Variants in DENND2C observed in about 807,000 individuals in gnomAD.
DENND2C encodes the protein DENN domain-containing protein 2C.
DENND2C carries 72 observed loss-of-function variants against 112.4 expected under a neutral mutation model. The ratio of observed to expected loss-of-function variants is 0.64; its 90% CI spans 0.53 to 0.78. The LOEUF (loss-of-function observed/expected upper bound fraction) is 0.78. Among genes scored for constraint, DENND2C ranks in the 30% least tolerant of loss-of-function variants. DENND2C has a pLI of 0.00. For missense variants in DENND2C, 992 were observed against 1,113.8 expected (o/e 0.89, Z 1.56); for synonymous variants, 329 against 381.6 (o/e 0.86, Z 1.61).
rs1657255861 is a variant in DENND2C, at chr1:114,654,591, T to C, written c.-403A>G. ...AAAACAGCAAGAACAGTGATTACAC[T>C]TCATTAAATATTTTGTTAAATACTA... On this transcript the variant is annotated 5_prime_UTR_variant, in exon 2 of 21. Coordinates refer to ENST00000393274, the MANE Select transcript of DENND2C (RefSeq NM_001256404.2). 6.6e-6 allele frequency: 1 copy of C among 152,146 alleles called. No homozygotes were observed. Among genetic ancestry groups the C allele is most frequent in the Non-Finnish European group, 1.5e-5 (1 of 68,020 alleles). 9.4% of individuals were successfully genotyped at this position (152,146 alleles called of 1,614,324 possible).
intron 2 of DENND2C, among the ~76,000 whole-genome samples, chr1:114,652,661 CTTTTTTTTTTTTT>C (rs55647145): frequency 3.6e-5 from 4 of 109,852 alleles, no homozygotes; most frequent in East Asian, 3.1e-4. Context: ...CTTACATTTA[CTTTTTTTTTTTTT>C]TTTTTTTTTT....
In DENND2C at chr1:114,630,956, A is replaced by T. The variant is rs533351706; in HGVS notation, c.-204-4768T>A. Among the ~76,000 whole-genome samples the T allele has an allele frequency of 5.9e-5, 9 of 152,350 alleles. No homozygotes were observed. In the South Asian group the frequency reaches 1.7e-3, roughly 28 times the overall value. On this transcript the variant is annotated intron_variant, in intron 3 of 20. Coordinates refer to ENST00000393274, the MANE Select transcript of DENND2C (RefSeq NM_001256404.2). The stretch of plus-strand genomic sequence containing the variant: ...ACCAGCAGGATGAAATTAACCCTAG[A>T]GTAAAGACTATCTTAGAGCCACCCT...
intron 15 of DENND2C, among the ~76,000 whole-genome samples, chr1:114,599,867 C>A (rs955637686): frequency 1.4e-5 from 2 of 144,664 alleles, no homozygotes; most frequent in Non-Finnish European, 3.0e-5. Context: ...TCCTACATTT[C>A]AAAAATATGC....
chr1:114,621,372 T>C (rs1001723940), intron 7 of DENND2C, among the ~76,000 whole-genome samples: 11 of 152,258 alleles, frequency 7.2e-5, no homozygotes, highest in African/African-American at 2.7e-4. Context: ...CTTACTGCCT[T>C]TTCTCCCTTG....
Position 114,585,364 on chromosome 1 carries a change from C to G in DENND2C, c.*236G>C. On this transcript the variant is annotated 3_prime_UTR_variant, in exon 21 of 21. Transcript: ENST00000393274. ...CCCAAGAATCACATAGAAAAGGCTG[C>G]TATAAAAAAAAAATGGAGACAGAGT... is the stretch of plus-strand genomic sequence containing the variant. The G allele has an allele frequency of 2.2e-6, 1 of 446,150 alleles. No individual in the cohort carries two copies. The highest frequency in any genetic ancestry group is 4.0e-6 in the Non-Finnish European group (1 of 247,170). The allele number at this position is 446,150 out of a possible 1,614,324, so 27.6% of individuals were successfully genotyped here. A position where few individuals can be genotyped will look rare whatever the true frequency, so the allele number is the denominator to read the frequency against.
intron 1 of DENND2C, among the ~76,000 whole-genome samples, chr1:114,662,513 G>A (rs1231699592): frequency 2.0e-5 from 3 of 151,914 alleles, no homozygotes; most frequent in Non-Finnish European, 2.9e-5. Flanking sequence ...TGAAAACTAC[G>A]AAAGTTAGAC....
rs967626711 is a variant in DENND2C at position 114,630,139 on chromosome 1, C to A, written c.-204-3951G>T. ...ACCATCCTGGCCAACACAGTGAAAC[C>A]CCATCTCTACTAAAAATTAGCTGGG... On this transcript the variant is annotated intron_variant, in intron 3 of 20. Transcript: ENST00000393274. Among the ~76,000 whole-genome samples, 7 of 151,950 alleles carry A rather than the reference C, an allele frequency of 4.6e-5. No homozygotes were observed. In the East Asian group the frequency reaches 1.4e-3, roughly 30 times the overall value.
chr1:114,648,959 CT>C lies in DENND2C; in HGVS notation c.-316-3401del, dbSNP rs201491794. Among the ~76,000 whole-genome samples the C allele has an allele frequency of 8.8e-3, 1,283 of 145,248 alleles. 10 individuals are homozygous for C. Among genetic ancestry groups the C allele is most frequent in the South Asian group, 0.029 (135 of 4,622 alleles). ...AAATGTCTCTTTTCACATAATTATCCTTTTTTTTTTTTGAGACAGAGTCTCA... is the reference window on the plus strand; with the variant it reads ...AAATGTCTCTTTTCACATAATTATCCTTTTTTTTTTTGAGACAGAGTCTCA... On this transcript the variant is annotated intron_variant, in intron 2 of 20. Coordinates refer to ENST00000393274, the MANE Select transcript of DENND2C (RefSeq NM_001256404.2).
At chr1:114,643,699 T>C (rs937549448) in intron 3 of DENND2C, among the ~76,000 whole-genome samples, 5 of 152,194 alleles carry the variant, frequency 3.3e-5, no homozygotes, top group Non-Finnish European at 7.4e-5. Flanking sequence ...TCTCAAGCCA[T>C]TACTGTGCCT....
At chr1:114,621,404 T>C (rs1371339181) in intron 7 of DENND2C, among the ~76,000 whole-genome samples, 2 of 152,274 alleles carry the variant, frequency 1.3e-5, no homozygotes, top group Admixed American at 1.3e-4. Context: ...ATTTATTTAT[T>C]ATGATTGCTG....
intron 2 of DENND2C, among the ~76,000 whole-genome samples, chr1:114,651,257 G>A (rs1657154862): frequency 7.1e-6 from 1 of 141,824 alleles, no homozygotes; most frequent in Non-Finnish European, 1.5e-5. Context: ...GGGCAACACA[G>A]TGAGACCTTC....
chr1:114,597,903 G>A (rs1655387957), intron 16 of DENND2C, among the ~76,000 whole-genome samples: 1 of 152,108 alleles, frequency 6.6e-6, no homozygotes, highest in Admixed American at 6.6e-5. Context: ...CAGGAATCAA[G>A]GAATGCAAAT....
At chr1:114,622,807 A>G (rs936173679) in intron 6 of DENND2C, among the ~76,000 whole-genome samples, 180 bp downstream of exon 6, 6 of 151,842 alleles carry the variant, frequency 4.0e-5, no homozygotes, top group African/African-American at 1.4e-4. Context: ...AACAACCAAA[A>G]AAAAAAAAAA....
At chr1:114,663,408 C>T (rs1035592922) in intron 1 of DENND2C, among the ~76,000 whole-genome samples, 1 of 152,174 alleles carries the variant, frequency 6.6e-6, no homozygotes, top group South Asian at 2.1e-4. Flanking sequence ...TTCTCTGTAT[C>T]TAAAGTTCCA....
chr1:114,625,348 G>A lies in DENND2C; in HGVS notation c.637C>T (p.Pro213Ser). 1 of 1,614,140 alleles carries A rather than the reference G, an allele frequency of 6.2e-7. No homozygotes were observed. ...CGPSINPLPKPRRTFRYLSES... is the reference protein window; with the variant it reads ...CGPSINPLPKSRRTFRYLSES... Reference sequence around the variant, plus strand: ...GATAAATATCTGAATGTCCTACGAGGTTTTGGCAAAGGATTTATGGAAGGT... The same window carrying A: ...GATAAATATCTGAATGTCCTACGAGATTTTGGCAAAGGATTTATGGAAGGT... The change falls in exon 4 of 21, where the codon CCT becomes TCT. Residue 213 changes from proline to serine, a missense_variant. By Grantham distance (74) the Pro-to-Ser change is moderately conservative. This residue lies in a region of DENND2C where 470 missense variants were observed against 472.7 expected (regional missense o/e 0.99). Transcript: ENST00000393274.
chr1:114,629,387 C>A (rs1032169449), intron 3 of DENND2C, among the ~76,000 whole-genome samples: 6 of 152,208 alleles, frequency 3.9e-5, no homozygotes, highest in African/African-American at 1.2e-4. Flanking sequence ...AAACAATTCT[C>A]CCGCCTCAGC....
Position 114,608,850 on chromosome 1 carries a change from G to A in DENND2C, c.1393C>T (p.Leu465=), listed in dbSNP as rs369709684. 20 of 1,614,074 alleles carry A rather than the reference G, an allele frequency of 1.2e-5. No homozygotes were observed. The highest frequency in any genetic ancestry group is 1.6e-5 in the Non-Finnish European group (19 of 1,180,038). The change falls in exon 10 of 21, where the codon CTG becomes TTG. Residue 465 remains leucine, a synonymous_variant. Coordinates refer to ENST00000393274, the MANE Select transcript of DENND2C (RefSeq NM_001256404.2). ...PKNRHKRLAQ[L]QPSSKRNPHY... is the part of the protein sequence containing the mutation. ...GGATTCCTCTTGGAAGACGGTTGCA[G>A]TTGTGCTAAGCGTTTATGGCGATCT...
At chr1:114,643,541 T>A (rs1250257028) in intron 3 of DENND2C, among the ~76,000 whole-genome samples, 1 of 152,180 alleles carries the variant, frequency 6.6e-6, no homozygotes, top group Non-Finnish European at 1.5e-5. Context: ...GAATAACAAA[T>A]CTTCAAAGCA....
intron 3 of DENND2C, among the ~76,000 whole-genome samples, chr1:114,636,978 C>T (rs1656674276): frequency 6.6e-6 from 1 of 151,668 alleles, no homozygotes; most frequent in Non-Finnish European, 1.5e-5. Context: ...GGTATGGTGG[C>T]TCACAACTGT....
Sources: gnomAD v4.1 joint callset for allele counts (sites outside exome capture counted in the v4.1 genomes callset) on GRCh38, gnomAD v4.1.1 for gene constraint, gnomAD v4.1.1 regional missense constraint, MANE v1.5 for transcripts, NCBI Gene and HGNC (gene_info 2026-07-23, HGNC 2026-07-21) for gene names.